GAS6: variants seen among roughly 807,000 people sequenced by gnomAD.
GAS6 encodes the protein growth arrest specific 6, also known as growth arrest-specific protein 6.
A neutral mutation model predicts 75.8 loss-of-function variants in GAS6; 41 were observed. The ratio of observed to expected loss-of-function variants is 0.54; its 90% CI spans 0.42 to 0.70. The LOEUF (loss-of-function observed/expected upper bound fraction) is 0.70. Ranked by LOEUF, GAS6 falls within the 30% of genes least tolerant of loss-of-function variation. The pLI, the probability that GAS6 is intolerant of heterozygous loss-of-function variation, is 0.00. For missense variants in GAS6, 854 were observed against 940.2 expected, an observed-to-expected ratio of 0.91 and a Z score of 1.20; for synonymous variants, 432 against 412.6, an observed-to-expected ratio of 1.05 and a Z score of -0.57.
chr13:113,820,862 G>A lies in GAS6; in HGVS notation c.*2C>T, dbSNP rs893288560. 4.3e-6 allele frequency: 7 copies of A among 1,609,294 alleles called. No individual in the cohort carries two copies. Among genetic ancestry groups the A allele is most frequent in the Non-Finnish European group, 5.9e-6 (7 of 1,179,436 alleles). ...GAGAAGCCTGCCGCGTCCCGTGGGG[G>A]CCTAGGCTGCGGCGGGCTCCACGGG... On this transcript the variant is annotated 3_prime_UTR_variant, in exon 15 of 15. Coordinates refer to ENST00000327773, the MANE Select transcript of GAS6 (RefSeq NM_000820.4).
rs1383739803 is a variant in GAS6, at chr13:113,823,368, G to A, written c.1653+7C>T. On this transcript the variant is annotated splice_region_variant and intron_variant, in intron 13 of 14. Coordinates refer to ENST00000327773, the MANE Select transcript of GAS6 (RefSeq NM_000820.4). ...GGTCAGGACGCCCTGGGTGGCGGAG[G>A]CCCTACCTGCTTCTTGAGTTTCTTC... 1.9e-6 allele frequency: 3 copies of A among 1,605,482 alleles called. No individual in the cohort carries two copies. In the Admixed American group the frequency reaches 5.0e-5, roughly 27 times the overall value.
intron 2 of GAS6, among the ~76,000 whole-genome samples, chr13:113,851,075 ATGAG>A (rs2051869748): frequency 1.3e-5 from 2 of 151,836 alleles, no homozygotes; most frequent in African/African-American, 4.8e-5. Flanking sequence ...GAACAAATGA[ATGAG>A]TGGATGGATG....
Position 113,821,968 on chromosome 13 carries a change from G to A in GAS6, c.1872C>T (p.Gly624=), listed in dbSNP as rs1017389995. Residue 624 remains glycine, a synonymous_variant, in exon 14 of 15, where the codon GGC becomes GGT. Coordinates refer to ENST00000327773, the MANE Select transcript of GAS6 (RefSeq NM_000820.4). ...GCAGGGAGCACCTACCTGGCAGGCC[G>A]CCAGCAAAGGTGAGCACGGGGCTCC... ...HLRSPVLTFA[G]GLPDVPVTSA... 1.1e-5 allele frequency: 17 copies of A among 1,533,374 alleles called. No homozygotes were observed. The highest frequency in any genetic ancestry group is 4.9e-5 in the East Asian group (2 of 40,804). The allele number at this position is 1,533,374 out of a possible 1,614,324, so 95.0% of individuals were successfully genotyped here.
chr13:113,833,205 C>T, intron 8 of GAS6: 1 of 1,106,520 alleles, frequency 9.0e-7, no homozygotes, highest in Non-Finnish European at 1.1e-6. Context: ...GCTGACACCC[C>T]TGGAAGATGG....
rs1307877506 is a variant in GAS6, at chr13:113,837,279, G to C, written c.589+790C>G. ...CAGCTGCCTTTTGAAATCGGGGGATGGGGTGTGGCCCCTCCTGTCTGGTCA... is the reference window on the plus strand; with the variant it reads ...CAGCTGCCTTTTGAAATCGGGGGATCGGGTGTGGCCCCTCCTGTCTGGTCA... On this transcript the variant is annotated intron_variant, in intron 6 of 14. Transcript: ENST00000327773. The surrounding 1 kb of genome is among the most constrained non-coding windows in gnomAD (Gnocchi z 5.1). Among the ~76,000 whole-genome samples, 2 of 152,090 alleles carry C rather than the reference G, an allele frequency of 1.3e-5. No homozygotes were observed. The highest frequency in any genetic ancestry group is 2.9e-5 in the Non-Finnish European group (2 of 67,990).
chr13:113,863,921 G>T lies in GAS6; in HGVS notation c.-1C>A. On this transcript the variant is annotated 5_prime_UTR_variant, in exon 1 of 15. Coordinates refer to ENST00000327773, the MANE Select transcript of GAS6 (RefSeq NM_000820.4). The surrounding 1 kb of genome is among the most constrained non-coding windows in gnomAD (Gnocchi z 9.4). Reference sequence around the variant, plus strand: ...GCCCGGGCGAGAGCGAAGGGGCCATGGCGGGCCGGGGACGCGCGGTCAGAG... The same window carrying T: ...GCCCGGGCGAGAGCGAAGGGGCCATTGCGGGCCGGGGACGCGCGGTCAGAG... The T allele has an allele frequency of 8.7e-7, 1 of 1,150,306 alleles. No individual in the cohort carries two copies. The highest frequency in any genetic ancestry group is 4.2e-5 in the East Asian group (1 of 23,752). 71.3% of individuals were successfully genotyped at this position (1,150,306 alleles called of 1,614,324 possible). A position where few individuals can be genotyped will look rare whatever the true frequency, so the allele number is the denominator to read the frequency against.
In GAS6 at chr13:113,848,533, T is replaced by C. The variant is rs1250857185; in HGVS notation, c.256-483A>G. On this transcript the variant is annotated intron_variant, in intron 2 of 14. Coordinates refer to ENST00000327773, the MANE Select transcript of GAS6 (RefSeq NM_000820.4). The surrounding 1 kb of genome is among the most constrained non-coding windows in gnomAD (Gnocchi z 4.8). ...TATCCATGAAAGCGCACTGACGAGG[T>C]CCACATTCGACACAAGTGAGCTGTC... 6.6e-6 allele frequency among the ~76,000 whole-genome samples: 1 copy of C among 151,980 alleles called. No individual in the cohort carries two copies. The highest frequency in any genetic ancestry group is 1.5e-5 in the Non-Finnish European group (1 of 68,006).
Position 113,848,196 on chromosome 13 carries a change from G to C in GAS6, c.256-146C>G. The C allele has an allele frequency of 1.3e-6, 1 of 777,656 alleles. No homozygotes were observed. Among genetic ancestry groups the C allele is most frequent in the South Asian group, 1.6e-5 (1 of 61,252 alleles). The allele number at this position is 777,656 out of a possible 1,614,324, so 48.2% of individuals were successfully genotyped here. On this transcript the variant is annotated intron_variant, in intron 2 of 14. Transcript: ENST00000327773. The surrounding 1 kb of genome is among the most constrained non-coding windows in gnomAD (Gnocchi z 4.8). ...CCCGGGGAACTGAGGGGAAGTGACC[G>C]GGGCACGACTGCTGTGAGACCAACA...
At chr13:113,823,617 G>A (rs1239062941) in intron 12 of GAS6, 67 bp from the exon 13 acceptor site, 1 of 1,474,134 alleles carries the variant, frequency 6.8e-7, no homozygotes, top group Non-Finnish European at 9.2e-7. Flanking sequence ...GGTCGGAGCA[G>A]GGCCTCGAGA....
chr13:113,822,736 G>C (rs2051477479), intron 13 of GAS6: 1 of 153,908 alleles, frequency 6.5e-6, no homozygotes, highest in East Asian at 1.9e-4. Flanking sequence ...GGGCTCTGTG[G>C]CCCCGGGGTG....
chr13:113,859,222 G>A (rs1046919928), intron 2 of GAS6, among the ~76,000 whole-genome samples: 1 of 151,618 alleles, frequency 6.6e-6, no homozygotes, highest in Non-Finnish European at 1.5e-5. Flanking sequence ...GTGTACGTAT[G>A]TGTACATGTC....
rs546929755 is a variant in GAS6 at position 113,834,824 on chromosome 13, C to G, written c.713-152G>C. On this transcript the variant is annotated intron_variant, in intron 7 of 14. Coordinates refer to ENST00000327773, the MANE Select transcript of GAS6 (RefSeq NM_000820.4). The stretch of plus-strand genomic sequence containing the variant: ...GGGCGGCTTGGGGGTCGCGTCCCCC[C>G]CCACTGGAAAGCTAGGTTGCACCCT... The G allele has an allele frequency of 4.8e-5, 38 of 790,600 alleles. No homozygotes were observed. In the East Asian group the frequency reaches 6.9e-4, roughly 14 times the overall value. The allele number at this position is 790,600 out of a possible 1,614,324, so 49.0% of individuals were successfully genotyped here. A position where few individuals can be genotyped will look rare whatever the true frequency, so the allele number is the denominator to read the frequency against.
intron 7 of GAS6, 109 bp downstream of exon 7, chr13:113,835,404 T>A (rs1268453753): frequency 5.3e-6 from 7 of 1,314,704 alleles, no homozygotes; most frequent in African/African-American, 1.5e-5. Context: ...AAAGAGACTT[T>A]CTTTCACCAG....
At chr13:113,859,937 A>G (rs1489203368) in intron 2 of GAS6, among the ~76,000 whole-genome samples, 1 of 152,176 alleles carries the variant, frequency 6.6e-6, no homozygotes, top group Admixed American at 6.5e-5. Context: ...GCTGTTCCCA[A>G]GTGGGGACTC....
At position 113,845,321 on chromosome 13, in the gene GAS6, T is replaced by C. The variant is rs994481746; in HGVS notation, c.343+1206A>G. 6.7e-6 allele frequency: 1 copy of C among 150,280 alleles called. No individual in the cohort carries two copies. Among genetic ancestry groups the C allele is most frequent in the Non-Finnish European group, 1.5e-5 (1 of 68,024 alleles). The allele number at this position is 150,280 out of a possible 1,614,324, so 9.3% of individuals were successfully genotyped here. On this transcript the variant is annotated intron_variant, in intron 4 of 14. Transcript: ENST00000327773. This position sits in a 1 kb window ranked among gnomAD's most constrained non-coding sequence, Gnocchi z 4.3. ...GCCACCTCTGACTCCTTCTGCTGAC[T>C]GGGATCCAGCTCCAAAGCCATGCCT...
intron 12 of GAS6, among the ~76,000 whole-genome samples, chr13:113,826,466 C>CTCAGCT (rs1566354618): frequency 3.6e-4 from 36 of 99,472 alleles, no homozygotes; most frequent in African/African-American, 1.3e-3. Context: ...CGGCGCCGGC[C>CTCAGCT]TCGCAGGCAC....
intron 2 of GAS6, among the ~76,000 whole-genome samples, chr13:113,849,007 C>A (rs7400614): frequency 0.27 from 40,550 of 152,032 alleles, 5,581 homozygotes; most frequent in South Asian, 0.4. Flanking sequence ...TGGCTTCATG[C>A]GCTGGCTCTG....
intron 2 of GAS6, among the ~76,000 whole-genome samples, chr13:113,849,261 C>T (rs977089205): frequency 6.6e-5 from 10 of 152,106 alleles, no homozygotes; most frequent in Non-Finnish European, 1.2e-4. Context: ...GGAGGGCGGC[C>T]GCCCTGAAGG....
At chr13:113,849,576 G>A (rs1415572350) in intron 2 of GAS6, among the ~76,000 whole-genome samples, 1 of 152,202 alleles carries the variant, frequency 6.6e-6, no homozygotes, top group Admixed American at 6.5e-5. Flanking sequence ...AAGAACTAGT[G>A]AGCAAACGGC....
Sources: allele counts gnomAD v4.1 joint callset (sites outside exome capture counted in the v4.1 genomes callset), GRCh38; gene constraint gnomAD v4.1.1; non-coding constraint Gnocchi (gnomAD v3.1); transcripts MANE v1.5; gene names NCBI Gene and HGNC (gene_info 2026-07-23, HGNC 2026-07-21).